The following DLC1 variants were observed in gnomAD, a reference collection of about 807,000 sequenced individuals.
DLC1 encodes rho GTPase-activating protein 7.
In DLC1, 54 loss-of-function variants were observed where a neutral mutation model predicts 140.3. That is an observed-to-expected ratio of 0.38 (90% CI 0.31 to 0.48). DLC1 has a LOEUF of 0.48. Ranked by LOEUF, DLC1 falls within the 20% of genes least tolerant of loss-of-function variation. The probability of loss-of-function intolerance (pLI) is 0.96; values close to 1 mark genes in which losing one functional copy is unlikely to be tolerated. For synonymous variants in DLC1, 986 were observed against 728.1 expected, an observed-to-expected ratio of 1.35 and a Z score of -5.70; for missense variants, 2,536 against 1,907.0, an observed-to-expected ratio of 1.33 and a Z score of -6.14.
chr8:13,514,190 C>A (rs1802498963), intron 1 of DLC1, among the ~76,000 whole-genome samples: 1 of 152,064 alleles, frequency 6.6e-6, no homozygotes, highest in Non-Finnish European at 1.5e-5. Flanking sequence ...ACAAGTCACT[C>A]GGGTGCTTTC....
intron 2 of DLC1, among the ~76,000 whole-genome samples, chr8:13,458,043 G>C (rs923026690): frequency 2.0e-5 from 3 of 152,162 alleles, no homozygotes. Flanking sequence ...GAAAAACTGA[G>C]AGTATGTGAA....
chr8:13,429,163 T>G (rs1838746734), intron 2 of DLC1, among the ~76,000 whole-genome samples: 1 of 152,246 alleles, frequency 6.6e-6, no homozygotes, highest in Non-Finnish European at 1.5e-5. Flanking sequence ...AACACCTGTA[T>G]CAGAAACACT....
intron 4 of DLC1, among the ~76,000 whole-genome samples, chr8:13,375,879 A>G (rs1036895867): frequency 3.9e-5 from 6 of 152,204 alleles, no homozygotes; most frequent in African/African-American, 1.4e-4. Flanking sequence ...AAAAGAATAC[A>G]GGAGGAAAAA....
intron 1 of DLC1, among the ~76,000 whole-genome samples, chr8:13,527,080 T>C (rs1385237656): frequency 1.3e-5 from 2 of 152,216 alleles, no homozygotes; most frequent in East Asian, 3.9e-4. Flanking sequence ...GTGATCATAT[T>C]GTACGTGAAT....
intron 5 of DLC1, among the ~76,000 whole-genome samples, chr8:13,262,170 T>A (rs112539562): frequency 1.4e-4 from 22 of 152,302 alleles, no homozygotes; most frequent in African/African-American, 4.1e-4. Flanking sequence ...CTGTATTGGT[T>A]GTGACTGAAT....
intron 4 of DLC1, among the ~76,000 whole-genome samples, chr8:13,390,004 T>G (rs966231221): frequency 2.1e-4 from 32 of 152,324 alleles, no homozygotes; most frequent in African/African-American, 7.5e-4. Context: ...GTTTTCTCTC[T>G]CTTCATAAAG....
chr8:13,308,933 G>C lies in DLC1; in HGVS notation c.1315-3631C>G, dbSNP rs111652351. 3.0e-3 allele frequency among the ~76,000 whole-genome samples: 463 copies of C among 152,248 alleles called. 4 individuals are homozygous for C. The highest frequency in any genetic ancestry group is 0.011 in the African/African-American group (453 of 41,546). On this transcript the variant is annotated intron_variant, in intron 4 of 17. Coordinates refer to ENST00000276297, the MANE Select transcript of DLC1 (RefSeq NM_182643.3). Reference sequence around the variant, plus strand: ...CCCATCATGTCATATCTATTTCTGGGCTCAGAAATAACATTTCACACAAGC... The same window carrying C: ...CCCATCATGTCATATCTATTTCTGGCCTCAGAAATAACATTTCACACAAGC...
intron 1 of DLC1, among the ~76,000 whole-genome samples, chr8:13,571,661 A>G (rs1397071149): frequency 6.6e-6 from 1 of 152,242 alleles, no homozygotes; most frequent in South Asian, 2.1e-4. Context: ...TAATGCTGCT[A>G]TGAACACTGG....
At chr8:13,493,543 G>A (rs528300425) in intron 2 of DLC1, among the ~76,000 whole-genome samples, 2 of 152,148 alleles carry the variant, frequency 1.3e-5, no homozygotes, top group Non-Finnish European at 1.5e-5. Flanking sequence ...CATTGATCAT[G>A]TCTGAGAACA....
At chr8:13,300,529 C>G (rs780403916) in intron 5 of DLC1, among the ~76,000 whole-genome samples, 2 of 152,166 alleles carry the variant, frequency 1.3e-5, no homozygotes, top group Non-Finnish European at 2.9e-5. Context: ...TAGAGCTTCT[C>G]GTCCTCTTCG....
intron 5 of DLC1, among the ~76,000 whole-genome samples, chr8:13,163,185 A>T (rs1824851042): frequency 6.6e-6 from 1 of 152,186 alleles, no homozygotes; most frequent in Admixed American, 6.5e-5. Context: ...CCATTGTGTT[A>T]TAATATTACC....
intron 5 of DLC1, among the ~76,000 whole-genome samples, chr8:13,147,941 C>T (rs564791617): frequency 2.0e-5 from 3 of 152,024 alleles, no homozygotes; most frequent in Admixed American, 1.3e-4. Flanking sequence ...TGGCAGAGAT[C>T]GCACTACTGC....
intron 7 of DLC1, among the ~76,000 whole-genome samples, chr8:13,104,406 A>C (rs1007974424): frequency 5.3e-5 from 8 of 152,140 alleles, no homozygotes; most frequent in African/African-American, 1.9e-4. Flanking sequence ...TTGAAAAAAG[A>C]AACACTTTAA....
intron 5 of DLC1, among the ~76,000 whole-genome samples, chr8:13,250,325 T>C (rs1334938492): frequency 1.3e-5 from 2 of 152,218 alleles, no homozygotes; most frequent in East Asian, 1.9e-4. Context: ...GAGAGTTCCC[T>C]ATAGTTCAAA....
intron 2 of DLC1, among the ~76,000 whole-genome samples, chr8:13,475,909 A>G (rs375185456): frequency 2.0e-5 from 3 of 152,292 alleles, no homozygotes; most frequent in Non-Finnish European, 4.4e-5. Context: ...ACTCCCTTCA[A>G]TCTGGTATTT....
chr8:13,483,573 C>A (rs1224177844), intron 2 of DLC1, among the ~76,000 whole-genome samples: 1 of 151,992 alleles, frequency 6.6e-6, no homozygotes, highest in East Asian at 1.9e-4. Context: ...TAGGCAAGGG[C>A]AGGGAGGTGA....
At chr8:13,491,903 C>T (rs567924888) in intron 2 of DLC1, among the ~76,000 whole-genome samples, 3 of 152,158 alleles carry the variant, frequency 2.0e-5, no homozygotes, top group Non-Finnish European at 4.4e-5. Flanking sequence ...TGCATTCGTT[C>T]TAGCATTTAT....
chr8:13,193,094 C>T (rs1048199331), intron 5 of DLC1, among the ~76,000 whole-genome samples: 1 of 152,164 alleles, frequency 6.6e-6, no homozygotes, highest in South Asian at 2.1e-4. Context: ...CAACTCAGGA[C>T]TTTTCTTCTT....
intron 1 of DLC1, among the ~76,000 whole-genome samples, chr8:13,532,816 A>G (rs1454908585): frequency 6.6e-6 from 1 of 151,968 alleles, no homozygotes; most frequent in African/African-American, 2.4e-5. Flanking sequence ...ATAATTTCTC[A>G]CCCTGTAGAC....
Sources: allele counts gnomAD v4.1 joint callset (sites outside exome capture counted in the v4.1 genomes callset), GRCh38; gene constraint gnomAD v4.1.1; transcripts MANE v1.5; gene names NCBI Gene and HGNC (gene_info 2026-07-23, HGNC 2026-07-21).